Variants in MYRIP observed in about 807,000 individuals in gnomAD.
MYRIP encodes the protein rab effector MyRIP.
A neutral mutation model predicts 98.0 loss-of-function variants in MYRIP; 49 were observed. The ratio of observed to expected loss-of-function variants is 0.50; its 90% CI spans 0.40 to 0.63. The LOEUF (loss-of-function observed/expected upper bound fraction) is 0.63. Among genes scored for constraint, MYRIP ranks in the 30% least tolerant of loss-of-function variants. The pLI is 0.00. For synonymous variants in MYRIP, 404 were observed against 409.5 expected (o/e 0.99, Z 0.16); for missense variants, 1,004 against 1,058.2 (o/e 0.95, Z 0.71).
intron 3 of MYRIP, among the ~76,000 whole-genome samples, chr3:40,080,219 G>A (rs939424124): frequency 6.6e-6 from 1 of 152,064 alleles, no homozygotes; most frequent in African/African-American, 2.4e-5. Context: ...CCTTAACTTG[G>A]TGAATTATAT....
At chr3:39,852,805 A>C (rs1942174447) in intron 1 of MYRIP, among the ~76,000 whole-genome samples, 1 of 151,150 alleles carries the variant, frequency 6.6e-6, no homozygotes, top group African/African-American at 2.4e-5. Context: ...TCTTCTCGAG[A>C]TAGTCTCACT....
At chr3:39,891,828 C>T (rs9833989) in intron 1 of MYRIP, among the ~76,000 whole-genome samples, 21,304 of 151,600 alleles carry the variant, frequency 0.14, 2,519 homozygotes, top group African/African-American at 0.32. Context: ...TTTTAATTGC[C>T]ATTTTTTGTT....
chr3:40,043,872 G>A (rs1439677812), intron 2 of MYRIP, among the ~76,000 whole-genome samples, 178 bp from the exon 3 acceptor site: 1 of 152,164 alleles, frequency 6.6e-6, no homozygotes, highest in Non-Finnish European at 1.5e-5. Flanking sequence ...TACGATTAAT[G>A]TTCTTCTCTG....
rs1006842712 is a variant in MYRIP, at chr3:39,916,494, C to T, written c.110+15568C>T. On this transcript the variant is annotated intron_variant, in intron 2 of 16. Transcript: ENST00000302541. Reference sequence around the variant, plus strand: ...TACCCCCCAAACAGTATATTCATGCCATTATATTACAAAGTACTGATTGAC... The same window carrying T: ...TACCCCCCAAACAGTATATTCATGCTATTATATTACAAAGTACTGATTGAC... Among the ~76,000 whole-genome samples, 5 of 151,826 alleles carry T rather than the reference C, an allele frequency of 3.3e-5. No homozygotes were observed. In the East Asian group the frequency reaches 9.7e-4, roughly 29 times the overall value.
chr3:39,965,769 T>C (rs1182559021), intron 2 of MYRIP, among the ~76,000 whole-genome samples: 2 of 152,090 alleles, frequency 1.3e-5, no homozygotes, highest in African/African-American at 2.4e-5. Flanking sequence ...ACCCACAAAA[T>C]ACCTTCACAG....
intron 12 of MYRIP, among the ~76,000 whole-genome samples, chr3:40,239,005 C>G (rs1263437754): frequency 1.3e-5 from 2 of 151,350 alleles, no homozygotes; most frequent in African/African-American, 2.4e-5. Context: ...GCGCTGCACC[C>G]ACTAACTCGT....
intron 4 of MYRIP, among the ~76,000 whole-genome samples, chr3:40,154,246 A>G (rs1950173785): frequency 6.6e-6 from 1 of 152,166 alleles, no homozygotes; most frequent in Admixed American, 6.5e-5. Context: ...AGTGCTCCCA[A>G]GCGAACCTTT....
At chr3:40,031,015 A>G (rs1417263851) in intron 2 of MYRIP, among the ~76,000 whole-genome samples, 1 of 152,166 alleles carries the variant, frequency 6.6e-6, no homozygotes, top group Non-Finnish European at 1.5e-5. Flanking sequence ...GGAGTAAGAA[A>G]GGAAAATTCC....
chr3:40,180,218 T>TGAC (rs1950853800), intron 8 of MYRIP, among the ~76,000 whole-genome samples: 1 of 152,196 alleles, frequency 6.6e-6, no homozygotes, highest in South Asian at 2.1e-4. Context: ...TAAGTGTAGA[T>TGAC]GACAGTGGGA....
At chr3:40,064,687 CTG>C (rs1255144682) in intron 3 of MYRIP, among the ~76,000 whole-genome samples, 1 of 152,188 alleles carries the variant, frequency 6.6e-6, no homozygotes, top group Non-Finnish European at 1.5e-5. Flanking sequence ...GTCCCTTGAG[CTG>C]ATGATCTGTT....
chr3:40,024,306 A>G (rs1164232500), intron 2 of MYRIP, among the ~76,000 whole-genome samples: 1 of 152,140 alleles, frequency 6.6e-6, no homozygotes, highest in Non-Finnish European at 1.5e-5. Flanking sequence ...CACTTAACAG[A>G]GTTGTGAAGA....
intron 1 of MYRIP, among the ~76,000 whole-genome samples, chr3:39,826,474 T>G (rs1216516165): frequency 6.6e-6 from 1 of 152,166 alleles, no homozygotes; most frequent in Non-Finnish European, 1.5e-5. Flanking sequence ...TTTTGAATAT[T>G]CTTATTATTA....
intron 3 of MYRIP, among the ~76,000 whole-genome samples, chr3:40,077,124 C>T (rs1400107133): frequency 6.6e-6 from 1 of 152,008 alleles, no homozygotes; most frequent in Non-Finnish European, 1.5e-5. Flanking sequence ...TTCCTTCTGG[C>T]GGGTTCGTGG....
chr3:39,821,876 C>T (rs1475717500), intron 1 of MYRIP, among the ~76,000 whole-genome samples: 1 of 152,032 alleles, frequency 6.6e-6, no homozygotes, highest in African/African-American at 2.4e-5. Context: ...TGTTCCATAA[C>T]TTCTTGAAAA....
chr3:39,839,251 CTTTTCTAGTTTTTTTT>C (rs1941721888), intron 1 of MYRIP, among the ~76,000 whole-genome samples: 2 of 150,100 alleles, frequency 1.3e-5, no homozygotes, highest in African/African-American at 4.9e-5. Flanking sequence ...TTTGCTCTTG[CTTTTCTAGTTTTTTTT>C]TTTTCTTAAG....
intron 1 of MYRIP, among the ~76,000 whole-genome samples, chr3:39,825,800 A>G (rs1328241138): frequency 6.6e-6 from 1 of 152,158 alleles, no homozygotes; most frequent in Non-Finnish European, 1.5e-5. Flanking sequence ...TGGTGAAATC[A>G]TCTGATCCTG....
chr3:40,227,542 T>C (rs1242882219), intron 11 of MYRIP, among the ~76,000 whole-genome samples: 4 of 152,248 alleles, frequency 2.6e-5, no homozygotes, highest in Admixed American at 2.0e-4. Flanking sequence ...CAATAATAGA[T>C]TATAGAGGCT....
At chr3:39,829,030 T>C (rs1434897878) in intron 1 of MYRIP, among the ~76,000 whole-genome samples, 4 of 152,198 alleles carry the variant, frequency 2.6e-5, no homozygotes, top group Non-Finnish European at 5.9e-5. Context: ...AGTTCTACTT[T>C]TAGTTCTTTA....
intron 2 of MYRIP, 35 bp from the exon 3 acceptor site, chr3:40,044,015 C>G: frequency 6.3e-7 from 1 of 1,599,634 alleles, no homozygotes; most frequent in East Asian, 2.2e-5. Flanking sequence ...TTGTGTTTCT[C>G]TCCTCCTCCC....
Sources: allele counts gnomAD v4.1 joint callset (sites outside exome capture counted in the v4.1 genomes callset), GRCh38; gene constraint gnomAD v4.1.1; transcripts MANE v1.5; gene names NCBI Gene and HGNC (gene_info 2026-07-23, HGNC 2026-07-21).